Variants in LRRC69 observed in about 807,000 individuals in gnomAD.
The protein encoded by LRRC69 is leucine-rich repeat-containing protein 69.
Under a neutral mutation model 37.8 loss-of-function variants are expected in LRRC69, and 42 were observed. The ratio of observed to expected loss-of-function variants is 1.11; its 90% confidence interval spans 0.87 to 1.44. The LOEUF (loss-of-function observed/expected upper bound fraction) is 1.44, where lower values mean the gene tolerates loss of function less well. Ranked by LOEUF, LRRC69 falls within the 40% of genes most tolerant of loss-of-function variation. LRRC69 has a pLI of 0.00. For missense variants in LRRC69, 357 were observed against 401.9 expected, an observed-to-expected ratio of 0.89 and a Z score of 0.96; for synonymous variants, 141 against 143.1, an observed-to-expected ratio of 0.99 and a Z score of 0.11.
chr8:91,158,267 G>A, intron 5 of LRRC69: 1 of 1,540,330 alleles, frequency 6.5e-7, no homozygotes, highest in Non-Finnish European at 9.0e-7. Context: ...CCCCCTGATT[G>A]TTTGTCGAAG....
At chr8:91,156,755 C>G (rs948432793) in intron 5 of LRRC69, among the ~76,000 whole-genome samples, 32 of 151,080 alleles carry the variant, frequency 2.1e-4, no homozygotes, top group Non-Finnish European at 2.2e-4. Flanking sequence ...AGTTTCAGGT[C>G]TTACATTTAA....
In LRRC69 at chr8:91,169,436, G is replaced by A. The variant is rs150404643; in HGVS notation, c.652-20086G>A. 1.2e-3 allele frequency among the ~76,000 whole-genome samples: 177 copies of A among 151,706 alleles called. 1 individual carries two copies. The highest frequency in any genetic ancestry group is 4.2e-3 in the African/African-American group (174 of 41,442). ...TAAATTTAGAAAATATTATCTTTTT[G>A]GTATAGAAATTTCAATATAGAAGCA... is the stretch of plus-strand genomic sequence containing the variant. On this transcript the variant is annotated intron_variant, in intron 5 of 7. Transcript: ENST00000448384.
chr8:91,156,228 G>A (rs955944963), intron 5 of LRRC69, among the ~76,000 whole-genome samples: 15 of 150,638 alleles, frequency 1.0e-4, no homozygotes, highest in African/African-American at 3.6e-4. Context: ...GTTTCTATTT[G>A]TTACAACAAA....
At chr8:91,203,238 G>C (rs1456005070) in intron 7 of LRRC69, among the ~76,000 whole-genome samples, 4 of 151,918 alleles carry the variant, frequency 2.6e-5, no homozygotes, top group Non-Finnish European at 4.4e-5. Flanking sequence ...GGAAGATTTT[G>C]GTAGGGAACT....
intron 1 of LRRC69, among the ~76,000 whole-genome samples, chr8:91,115,117 C>G (rs751620740): frequency 6.6e-6 from 1 of 151,846 alleles, no homozygotes; most frequent in Non-Finnish European, 1.5e-5. Flanking sequence ...TTTTGGAGAG[C>G]TAATGCACAA....
intron 7 of LRRC69, among the ~76,000 whole-genome samples, chr8:91,203,993 G>T (rs1385274091): frequency 2.0e-5 from 3 of 151,720 alleles, no homozygotes; most frequent in Non-Finnish European, 4.4e-5. Flanking sequence ...GTGGTGGCGG[G>T]CACCTATAGT....
intron 7 of LRRC69, among the ~76,000 whole-genome samples, chr8:91,206,026 C>G (rs528337918): frequency 2.0e-5 from 3 of 152,298 alleles, no homozygotes; most frequent in African/African-American, 7.2e-5. Flanking sequence ...GTGTTGGTGT[C>G]TGTCTCTACC....
intron 5 of LRRC69, chr8:91,157,476 A>C (rs1808856914): frequency 6.3e-7 from 1 of 1,598,826 alleles, no homozygotes; most frequent in South Asian, 1.1e-5. Flanking sequence ...AAGGAAGTTT[A>C]CATGCAAATT....
intron 5 of LRRC69, among the ~76,000 whole-genome samples, chr8:91,144,804 C>A (rs1342306335): frequency 1.3e-5 from 2 of 151,882 alleles, no homozygotes; most frequent in African/African-American, 2.4e-5. Context: ...TGTTACTTGT[C>A]TAATTCAAAT....
rs189179558 is a variant in LRRC69, at chr8:91,134,678, C to T, written c.580-990C>T. ...CAGTCAAGTTGACACCTAAAATTAA[C>T]CATCACACTAGACTTCTTATAGTTC... On this transcript the variant is annotated intron_variant, in intron 4 of 7. Transcript: ENST00000448384. 2.5e-4 allele frequency among the ~76,000 whole-genome samples: 38 copies of T among 152,080 alleles called. No homozygotes were observed. In the East Asian group the frequency reaches 6.8e-3, roughly 27 times the overall value.
intron 1 of LRRC69, among the ~76,000 whole-genome samples, chr8:91,113,990 A>G (rs1813459885): frequency 6.6e-6 from 1 of 150,692 alleles, no homozygotes; most frequent in East Asian, 1.9e-4. Context: ...AAAAAAAAAA[A>G]AAAAGGTAAA....
At chr8:91,129,856 T>G (rs903335584) in intron 3 of LRRC69, among the ~76,000 whole-genome samples, 4 of 152,074 alleles carry the variant, frequency 2.6e-5, no homozygotes, top group African/African-American at 9.6e-5. Context: ...TAACACATTG[T>G]AAATTCTCTT....
intron 6 of LRRC69, among the ~76,000 whole-genome samples, chr8:91,197,096 C>G (rs1331673154): frequency 6.6e-6 from 1 of 151,790 alleles, no homozygotes; most frequent in Non-Finnish European, 1.5e-5. Context: ...TTGGAGTACC[C>G]TGCGGTGTGA....
chr8:91,147,250 A>AATATATATTATATATAAAC (rs1491254553), intron 5 of LRRC69, among the ~76,000 whole-genome samples: 12 of 114,520 alleles, frequency 1.0e-4, no homozygotes, highest in African/African-American at 4.3e-4. Flanking sequence ...ATAAACATAT[A>AATATATATTATATATAAAC]ATATATATTA....
chr8:91,163,819 AT>A (rs1018102353), intron 5 of LRRC69, among the ~76,000 whole-genome samples: 3 of 135,608 alleles, frequency 2.2e-5, no homozygotes, highest in African/African-American at 5.0e-5. Flanking sequence ...TAAAATCAAT[AT>A]TTTTTTCTAT....
At chr8:91,171,949 G>GTT (rs1475661294) in intron 5 of LRRC69, among the ~76,000 whole-genome samples, 1 of 122,304 alleles carries the variant, frequency 8.2e-6, no homozygotes, top group Non-Finnish European at 1.8e-5. Flanking sequence ...GCACATGGAG[G>GTT]TTTTTTTTTT....
intron 6 of LRRC69, 142 bp from the exon 7 acceptor site, chr8:91,200,471 A>G: frequency 1.9e-6 from 1 of 531,852 alleles, no homozygotes; most frequent in Non-Finnish European, 3.1e-6. Context: ...TTACAACACA[A>G]TTCATTAGAT....
At chr8:91,213,434 A>C (rs1007743292) in intron 7 of LRRC69, among the ~76,000 whole-genome samples, 1 of 152,144 alleles carries the variant, frequency 6.6e-6, no homozygotes, top group African/African-American at 2.4e-5. Flanking sequence ...TCAGAGCAGT[A>C]CTCATGTCAC....
intron 5 of LRRC69, among the ~76,000 whole-genome samples, chr8:91,148,645 G>A (rs1236597553): frequency 2.6e-5 from 4 of 151,974 alleles, no homozygotes; most frequent in Non-Finnish European, 5.9e-5. Flanking sequence ...CTAGATCCCT[G>A]ACGAATCACC....
Sources: allele counts gnomAD v4.1 joint callset (sites outside exome capture counted in the v4.1 genomes callset), GRCh38; gene constraint gnomAD v4.1.1; transcripts MANE v1.5; gene names NCBI Gene and HGNC (gene_info 2026-07-23, HGNC 2026-07-21).